SLC35D4: variants seen among roughly 807,000 people sequenced by gnomAD.
SLC35D4 encodes UDP-N-acetylglucosamine transporter SLC35D4.
the SLC35D4 span, among the ~76,000 whole-genome samples, chr18:23,286,935 C>A: frequency 1.3e-5 from 2 of 151,864 alleles, no homozygotes; most frequent in South Asian, 4.2e-4. Context: ...TGTATCCCCC[C>A]ACCTTAACCC....
chr18:23,397,180 T>C, the SLC35D4 span, among the ~76,000 whole-genome samples: 1 of 152,162 alleles, frequency 6.6e-6, no homozygotes, highest in Non-Finnish European at 1.5e-5. Flanking sequence ...GCAGAGATCC[T>C]ACATGAATAG....
chr18:23,263,422 C>T, the SLC35D4 span, among the ~76,000 whole-genome samples: 1 of 152,198 alleles, frequency 6.6e-6, no homozygotes, highest in Non-Finnish European at 1.5e-5. Flanking sequence ...GAGTGGCCTC[C>T]ACATTTGATG....
chr18:23,315,491 A>G, the SLC35D4 span, among the ~76,000 whole-genome samples: 1 of 152,192 alleles, frequency 6.6e-6, no homozygotes, highest in South Asian at 2.1e-4. Context: ...TGTGCTATTC[A>G]TCTTTGAACG....
chr18:23,410,178 TATTA>T, the SLC35D4 span, among the ~76,000 whole-genome samples: 1 of 152,196 alleles, frequency 6.6e-6, no homozygotes, highest in Admixed American at 6.5e-5. Flanking sequence ...GTGGAAATGC[TATTA>T]AAAGATATGT....
At chr18:23,268,612 T>A in the SLC35D4 span, among the ~76,000 whole-genome samples, 2 of 152,106 alleles carry the variant, frequency 1.3e-5, no homozygotes, top group African/African-American at 4.8e-5. Context: ...GCAAAGATGC[T>A]GCTCCTAGCA....
chr18:23,293,341 G>A, the SLC35D4 span, among the ~76,000 whole-genome samples: 3 of 152,176 alleles, frequency 2.0e-5, no homozygotes, highest in Non-Finnish European at 2.9e-5. Context: ...TAGCAGCCAC[G>A]TTACAAAAGG....
At chr18:23,313,220 TC>T in the SLC35D4 span, among the ~76,000 whole-genome samples, 1 of 148,180 alleles carries the variant, frequency 6.7e-6, no homozygotes, top group Non-Finnish European at 1.5e-5. Context: ...GGTACTGGCT[TC>T]CTTTTTGCTC....
chr18:23,291,150 T>C, the SLC35D4 span, among the ~76,000 whole-genome samples: 1 of 152,172 alleles, frequency 6.6e-6, no homozygotes, highest in African/African-American at 2.4e-5. Flanking sequence ...GAACAAGTCA[T>C]GGACCGTCTG....
the SLC35D4 span, among the ~76,000 whole-genome samples, chr18:23,338,436 C>T: frequency 1.2e-4 from 19 of 152,150 alleles, no homozygotes; most frequent in African/African-American, 4.6e-4. Flanking sequence ...CAACTGCTGG[C>T]TCTCATTAAT....
chr18:23,355,174 T>C, the SLC35D4 span, among the ~76,000 whole-genome samples: 1 of 152,170 alleles, frequency 6.6e-6, no homozygotes, highest in East Asian at 1.9e-4. Flanking sequence ...CAGAGTCACA[T>C]CAATTCAAAC....
chr18:23,251,968 T>TC, the SLC35D4 span, among the ~76,000 whole-genome samples: 1 of 151,720 alleles, frequency 6.6e-6, no homozygotes, highest in Admixed American at 6.6e-5. Context: ...CGCCTGTATT[T>TC]CCAGCTACTC....
chr18:23,403,155 T>C, the SLC35D4 span, among the ~76,000 whole-genome samples: 1 of 152,118 alleles, frequency 6.6e-6, no homozygotes, highest in Non-Finnish European at 1.5e-5. Context: ...GACTTTCAAT[T>C]AACCCACTAA....
At chr18:23,360,377 C>G in the SLC35D4 span, among the ~76,000 whole-genome samples, 1 of 152,076 alleles carries the variant, frequency 6.6e-6, no homozygotes, top group African/African-American at 2.4e-5. Flanking sequence ...TGGGAACAGC[C>G]CAGGTGAGCA....
the SLC35D4 span, among the ~76,000 whole-genome samples, chr18:23,400,926 A>T: frequency 2.0e-5 from 3 of 152,202 alleles, no homozygotes; most frequent in Admixed American, 2.0e-4. Context: ...GCATAAACTC[A>T]TTGTGCAAAT....
chr18:23,283,516 GAAA>G, the SLC35D4 span, among the ~76,000 whole-genome samples: 1 of 142,002 alleles, frequency 7.0e-6, no homozygotes, highest in African/African-American at 2.6e-5. Flanking sequence ...AGAAAAGAAA[GAAA>G]AGAAAGTAGG....
At chr18:23,415,308 G>T in the SLC35D4 span, among the ~76,000 whole-genome samples, 5 of 152,076 alleles carry the variant, frequency 3.3e-5, no homozygotes, top group Non-Finnish European at 5.9e-5. Context: ...TAAATTTCTG[G>T]TCACAAAGGT....
the SLC35D4 span, among the ~76,000 whole-genome samples, chr18:23,243,491 G>A: frequency 1.8e-4 from 22 of 123,502 alleles, no homozygotes; most frequent in Non-Finnish European, 3.7e-4. Context: ...TTTTTTTTTG[G>A]TCTTTTTGTT....
chr18:23,314,496 A>G, the SLC35D4 span, among the ~76,000 whole-genome samples: 3 of 152,182 alleles, frequency 2.0e-5, no homozygotes, highest in Non-Finnish European at 4.4e-5. Context: ...ACCACCTTCA[A>G]TGAGATAATA....
chr18:23,380,181 G>A, the SLC35D4 span, among the ~76,000 whole-genome samples: 1 of 152,140 alleles, frequency 6.6e-6, no homozygotes, highest in Non-Finnish European at 1.5e-5. Context: ...TGAACTGTGA[G>A]GGCTACTCAC....
Sources: allele counts gnomAD v4.1 joint callset (sites outside exome capture counted in the v4.1 genomes callset), GRCh38; gene constraint gnomAD v4.1.1; transcripts MANE v1.5; gene names NCBI Gene and HGNC (gene_info 2026-07-23, HGNC 2026-07-21).